ADGRL1: variants seen among roughly 807,000 people sequenced by gnomAD.
The protein encoded by ADGRL1 is adhesion G protein-coupled receptor L1, also known as CIRL-1.
ADGRL1 carries 31 observed loss-of-function variants against 148.9 expected under a neutral mutation model. The observed-to-expected ratio is 0.21, with a 90% CI of 0.16 to 0.28. The LOEUF (loss-of-function observed/expected upper bound fraction) is 0.28. ADGRL1 is among the 10% of genes least tolerant of loss of function. ADGRL1 has a pLI of 1.00. For missense variants in ADGRL1, 1,521 were observed against 2,058.8 expected (o/e 0.74, Z 5.05); for synonymous variants, 937 against 900.3 (o/e 1.04, Z -0.73).
chr19:14,157,619 C>T lies in ADGRL1; in HGVS notation c.2536-159G>A, dbSNP rs573838315. Among the ~76,000 whole-genome samples, 9 of 152,368 alleles carry T rather than the reference C, an allele frequency of 5.9e-5. No individual in the cohort carries two copies. The highest frequency in any genetic ancestry group is 3.3e-4 in the Admixed American group (5 of 15,312). ...CCTCACCCCTCTGCACGCAGCAATG[C>T]GCTCACTTCCTCATGCTCTGGAAGG... On this transcript the variant is annotated intron_variant, in intron 13 of 22. Coordinates refer to ENST00000361434, the MANE Select transcript of ADGRL1 (RefSeq NM_014921.5). The surrounding 1 kb of genome is among the most constrained non-coding windows in gnomAD (Gnocchi z 7.5).
chr19:14,183,745 C>T, intron 1 of ADGRL1, 48 bp from the exon 2 acceptor site: 1 of 661,114 alleles, frequency 1.5e-6, no homozygotes, highest in Admixed American at 2.9e-5. Flanking sequence ...CTCCAGGCCG[C>T]TCCCCTCTCC....
chr19:14,195,440 C>G (rs868717882), intron 1 of ADGRL1, among the ~76,000 whole-genome samples: 5 of 123,758 alleles, frequency 4.0e-5, no homozygotes, highest in African/African-American at 6.4e-5. Context: ...TCTGCGTGCT[C>G]GAGTGGGTGG....
chr19:14,153,959 A>T (rs959838957), intron 18 of ADGRL1, among the ~76,000 whole-genome samples: 8 of 147,636 alleles, frequency 5.4e-5, no homozygotes, highest in South Asian at 2.1e-4. Context: ...TAATGATAAT[A>T]AAAAAAAAAC....
intron 1 of ADGRL1, among the ~76,000 whole-genome samples, chr19:14,201,999 C>A (rs1339647224): frequency 6.6e-6 from 1 of 152,068 alleles, no homozygotes; most frequent in Non-Finnish European, 1.5e-5. Flanking sequence ...GGAGAAAAAG[C>A]CTCGAAAATA....
In ADGRL1 at chr19:14,161,018, T is replaced by A. The variant is rs1475935368; in HGVS notation, c.1510+294A>T. Reference sequence around the variant, plus strand: ...ATCTCCAGGACACACGGCCCTGCCCTTTTTGCACTTCAGCTGGCCATCCAT... The same window carrying A: ...ATCTCCAGGACACACGGCCCTGCCCATTTTGCACTTCAGCTGGCCATCCAT... On this transcript the variant is annotated intron_variant, in intron 6 of 22. Coordinates refer to ENST00000361434, the MANE Select transcript of ADGRL1 (RefSeq NM_014921.5). This position sits in a 1 kb window ranked among gnomAD's most constrained non-coding sequence, Gnocchi z 4.4. Among the ~76,000 whole-genome samples, 1 of 152,182 alleles carries A rather than the reference T, an allele frequency of 6.6e-6. No homozygotes were observed. The highest frequency in any genetic ancestry group is 1.5e-5 in the Non-Finnish European group (1 of 68,026).
At chr19:14,205,822 T>C (rs1599540204) in intron 1 of ADGRL1, among the ~76,000 whole-genome samples, 163 bp downstream of exon 1, 1 of 146,664 alleles carries the variant, frequency 6.8e-6, no homozygotes, top group Non-Finnish European at 1.5e-5. Flanking sequence ...CCGACGCCCC[T>C]CCCGCTCAGG....
At chr19:14,151,684 T>G (rs1568563446) in intron 22 of ADGRL1, 69 bp from the exon 23 acceptor site, 36 of 1,434,420 alleles carry the variant, frequency 2.5e-5, no homozygotes, top group Non-Finnish European at 2.4e-5. Flanking sequence ...AGTGAGGGGG[T>G]GCGGTCCATG....
Position 14,183,543 on chromosome 19 carries a change from C to G in ADGRL1, c.60G>C (p.Ser20=), listed in dbSNP as rs200151000. 7 of 1,577,814 alleles carry G rather than the reference C, an allele frequency of 4.4e-6. No individual in the cohort carries two copies. The highest frequency in any genetic ancestry group is 2.3e-5 in the South Asian group (2 of 86,128). The change falls in exon 2 of 23, where the codon TCG becomes TCC. Residue 20 remains serine, a synonymous_variant. Coordinates refer to ENST00000361434, the MANE Select transcript of ADGRL1 (RefSeq NM_014921.5). The part of the protein sequence containing the change: ...NLCVTAVLVT[S]ATQGLSRAGL... ...CCCAGCAGCACCTACCTTGGGTGGCCGAGGTGACCAGGACGGCGGTGACAC... is the reference window on the plus strand; with the variant it reads ...CCCAGCAGCACCTACCTTGGGTGGCGGAGGTGACCAGGACGGCGGTGACAC...
intron 4 of ADGRL1, chr19:14,169,707 C>T (rs1261825794): frequency 6.6e-6 from 1 of 152,134 alleles, no homozygotes; most frequent in African/African-American, 2.4e-5. Flanking sequence ...ACCCGGCCCG[C>T]CACACTCAGA....
Position 14,151,567 on chromosome 19 carries a change from AG to A in ADGRL1, c.3715del (p.Leu1239Ter). ...REACGMDTLPLNGNFNNSYSL... is the reference protein window; with the variant it reads ...REACGMDTLPXNGNFNNSYSL... Reference sequence around the variant, plus strand: ...GTAACTGTTATTGAAGTTGCCGTTCAGGGGCAGGGTGTCCATGCCACAGGCT... The same window carrying A: ...GTAACTGTTATTGAAGTTGCCGTTCAGGGCAGGGTGTCCATGCCACAGGCT... On this transcript the variant is annotated frameshift_variant, in exon 23 of 23. Transcript: ENST00000361434. LOFTEE classifies it high-confidence loss of function. 1 of 1,609,676 alleles carries A rather than the reference AG, an allele frequency of 6.2e-7. No homozygotes were observed. The highest frequency in any genetic ancestry group is 1.1e-5 in the South Asian group (1 of 90,836).
intron 4 of ADGRL1, among the ~76,000 whole-genome samples, chr19:14,165,330 G>C (rs904800775): frequency 2.6e-5 from 4 of 152,218 alleles, no homozygotes; most frequent in Non-Finnish European, 4.4e-5. Flanking sequence ...CAGCACACTG[G>C]CCTCTGCCCA....
intron 18 of ADGRL1, among the ~76,000 whole-genome samples, chr19:14,153,568 A>C (rs1599386284): frequency 6.8e-6 from 1 of 147,796 alleles, no homozygotes; most frequent in African/African-American, 2.5e-5. Flanking sequence ...GGCGCACACC[A>C]CCACACCTGG....
chr19:14,155,757 A>G lies in ADGRL1; in HGVS notation c.3126-230T>C, dbSNP rs1968665329. 3.4e-6 allele frequency: 2 copies of G among 582,766 alleles called. No individual in the cohort carries two copies. Among genetic ancestry groups the G allele is most frequent in the Non-Finnish European group, 6.1e-6 (2 of 327,618 alleles). The allele number at this position is 582,766 out of a possible 1,614,324, so 36.1% of individuals were successfully genotyped here. On this transcript the variant is annotated intron_variant, in intron 17 of 22. Transcript: ENST00000361434. This position sits in a 1 kb window ranked among gnomAD's most constrained non-coding sequence, Gnocchi z 5.0. ...CAGGGGTCGGGGTATTGTGAACATC[A>G]GTTATTCCTCTGCCAACTTCATTGT...
Position 14,157,890 on chromosome 19 carries a change from G to A in ADGRL1, c.2527C>T (p.Arg843Cys). 1.2e-6 allele frequency: 2 copies of A among 1,613,962 alleles called. No homozygotes were observed. The highest frequency in any genetic ancestry group is 1.1e-5 in the South Asian group (1 of 91,064). The change falls in exon 13 of 23, where the codon CGT (arginine) becomes TGT (cysteine). Residue 843 changes from arginine (R) to cysteine (C), a missense_variant. By Grantham distance (180) the Arg-to-Cys change is radical. Coordinates refer to ENST00000361434, the MANE Select transcript of ADGRL1 (RefSeq NM_014921.5). This position sits in a 1 kb window ranked among gnomAD's most constrained non-coding sequence, Gnocchi z 7.5. Reference sequence around the variant, plus strand: ...AGCACCAGCCAGCTTACGATCTCACGGTGAGCCATGAGCACAGCGAAGTTG... The same window carrying A: ...AGCACCAGCCAGCTTACGATCTCACAGTGAGCCATGAGCACAGCGAAGTTG... ...LTNFAVLMAHREIYQGRINEL... is the reference protein window; with the variant it reads ...LTNFAVLMAHCEIYQGRINEL...
chr19:14,173,491 T>G (rs1970615484), intron 3 of ADGRL1, among the ~76,000 whole-genome samples: 2 of 152,206 alleles, frequency 1.3e-5, no homozygotes, highest in African/African-American at 4.8e-5. Flanking sequence ...AGTTTAGGCA[T>G]CCACTGGGGT....
At chr19:14,166,886 GGGGGATACCGACCGGACCAAGTGTGGGTT>G in intron 4 of ADGRL1, 2 of 949,866 alleles carry the variant, frequency 2.1e-6, no homozygotes, top group African/African-American at 1.6e-5. Flanking sequence ...AACCCAGGGT[GGGGGATACCGACCGGACCAAGTGTGGGTT>G]GGGGAGAGAA....
Position 14,150,850 on chromosome 19 carries a change from A to T in ADGRL1, c.*23T>A. On this transcript the variant is annotated 3_prime_UTR_variant, in exon 23 of 23. Coordinates refer to ENST00000361434, the MANE Select transcript of ADGRL1 (RefSeq NM_014921.5). ...GGTTCCCTCCCTGGCCTGGGCCACC[A>T]GCCCCTGGTCCATGAGGTGCCCTCA... 1 of 1,605,314 alleles carries T rather than the reference A, an allele frequency of 6.2e-7. No homozygotes were observed. The highest frequency in any genetic ancestry group is 8.5e-7 in the Non-Finnish European group (1 of 1,176,646).
chr19:14,201,417 ATTTTTTTTT>A (rs59270792), intron 1 of ADGRL1, among the ~76,000 whole-genome samples: 4 of 138,290 alleles, frequency 2.9e-5, no homozygotes, highest in Admixed American at 2.2e-4. Context: ...AGGCAGGGGC[ATTTTTTTTT>A]TTTTTTAAGA....
Position 14,162,506 on chromosome 19 carries a change from G to A in ADGRL1, c.1195+100C>T. The stretch of plus-strand genomic sequence containing the variant: ...TTCCTTTACCTCCCGATCCCCAAGA[G>A]CTCACAGGATGGGGCTCCCCACTCT... On this transcript the variant is annotated intron_variant, in intron 5 of 22. Transcript: ENST00000361434. This position sits in a 1 kb window ranked among gnomAD's most constrained non-coding sequence, Gnocchi z 5.4. 9.8e-7 allele frequency: 1 copy of A among 1,024,114 alleles called. No homozygotes were observed. Among genetic ancestry groups the A allele is most frequent in the African/African-American group, 1.6e-5 (1 of 62,868 alleles). 63.4% of individuals were successfully genotyped at this position (1,024,114 alleles called of 1,614,324 possible).
Sources: allele counts gnomAD v4.1 joint callset (sites outside exome capture counted in the v4.1 genomes callset), GRCh38; gene constraint gnomAD v4.1.1; non-coding constraint Gnocchi (gnomAD v3.1); transcripts MANE v1.5; gene names NCBI Gene and HGNC (gene_info 2026-07-23, HGNC 2026-07-21).